KCNK9: variants seen among roughly 807,000 people sequenced by gnomAD.
KCNK9 encodes the protein potassium channel subfamily K member 9.
KCNK9 carries 1 observed loss-of-function variant against 10.8 expected under a neutral mutation model. The ratio of observed to expected loss-of-function variants is 0.09; its 90% CI spans 0.03 to 0.44. KCNK9 has a LOEUF of 0.44. Ranked by LOEUF, KCNK9 falls within the 20% of genes least tolerant of loss-of-function variation. KCNK9 has a pLI of 0.97. For missense variants in KCNK9, 303 were observed against 515.0 expected (o/e 0.59, Z 3.98); for synonymous variants, 231 against 222.7 (o/e 1.04, Z -0.33).
chr8:139,669,506 CT>C (rs1346648766), intron 1 of KCNK9, among the ~76,000 whole-genome samples: 5 of 152,246 alleles, frequency 3.3e-5, no homozygotes, highest in African/African-American at 1.2e-4. Flanking sequence ...CAAGAAACCA[CT>C]GTCTTCACTC....
At chr8:139,620,627 C>G (rs1814747687) in intron 1 of KCNK9, among the ~76,000 whole-genome samples, 1 of 152,072 alleles carries the variant, frequency 6.6e-6, no homozygotes, top group Non-Finnish European at 1.5e-5. Context: ...TGTGCCATAA[C>G]CTACCTACCC....
At chr8:139,698,993 C>T (rs1454813452) in intron 1 of KCNK9, among the ~76,000 whole-genome samples, 1 of 152,144 alleles carries the variant, frequency 6.6e-6, no homozygotes, top group Non-Finnish European at 1.5e-5. Flanking sequence ...TCAGCTGGGC[C>T]CCGAGGTTCT....
chr8:139,635,801 T>C (rs917505524), intron 1 of KCNK9, among the ~76,000 whole-genome samples: 9 of 152,180 alleles, frequency 5.9e-5, no homozygotes, highest in Admixed American at 5.9e-4. Flanking sequence ...TTACATTCCC[T>C]GCTAGTCCTT....
At chr8:139,615,391 T>C (rs1426993827), downstream of KCNK9, among the ~76,000 whole-genome samples, 5 of 152,308 alleles carry the variant, frequency 3.3e-5, 1 homozygote, top group South Asian at 6.2e-4. Context: ...TGTTTAGTGC[T>C]GTTTTATTAA....
At chr8:139,620,873 A>C (rs555150408) in intron 1 of KCNK9, among the ~76,000 whole-genome samples, 2 of 152,318 alleles carry the variant, frequency 1.3e-5, no homozygotes, top group South Asian at 4.2e-4. Flanking sequence ...CAATCTGAAG[A>C]GCAGAGAGGA....
intron 1 of KCNK9, among the ~76,000 whole-genome samples, chr8:139,636,509 A>G (rs1395472900): frequency 1.3e-5 from 2 of 152,146 alleles, no homozygotes; most frequent in East Asian, 1.9e-4. Flanking sequence ...GCAGAGGTAG[A>G]CTCAGCTCCT....
intron 1 of KCNK9, among the ~76,000 whole-genome samples, chr8:139,671,465 C>T (rs1442721294): frequency 2.0e-5 from 3 of 152,022 alleles, no homozygotes; most frequent in East Asian, 1.9e-4. Flanking sequence ...GCATTGAGCC[C>T]GTGCCCAAGG....
chr8:139,629,031 G>A (rs559673809), intron 1 of KCNK9, among the ~76,000 whole-genome samples: 114 of 152,280 alleles, frequency 7.5e-4, no homozygotes, highest in African/African-American at 2.6e-3. Context: ...GACTGCAGTC[G>A]GCCACTTTCC....
downstream of KCNK9, among the ~76,000 whole-genome samples, chr8:139,614,290 C>T (rs971135047): frequency 6.6e-6 from 1 of 152,218 alleles, no homozygotes; most frequent in East Asian, 1.9e-4. Context: ...AGCTGAGATT[C>T]ATCAATCTCC....
downstream of KCNK9, chr8:139,615,752 C>A (rs1369904645): frequency 6.6e-6 from 1 of 151,986 alleles, no homozygotes; most frequent in Non-Finnish European, 1.5e-5. Flanking sequence ...ATCCTATAAT[C>A]CTTAATCCTG....
intron 1 of KCNK9, among the ~76,000 whole-genome samples, chr8:139,654,440 G>T (rs147980278): frequency 2.0e-5 from 3 of 152,262 alleles, no homozygotes; most frequent in African/African-American, 7.2e-5. Context: ...TCAGGCCCTG[G>T]TGTTGTCTGA....
chr8:139,699,289 G>A (rs1411337806), intron 1 of KCNK9, among the ~76,000 whole-genome samples: 3 of 152,172 alleles, frequency 2.0e-5, no homozygotes, highest in Non-Finnish European at 2.9e-5. Flanking sequence ...AAGGTCACAT[G>A]TGTGTTCCAG....
chr8:139,676,456 T>C (rs1260087395), intron 1 of KCNK9, among the ~76,000 whole-genome samples: 7 of 152,216 alleles, frequency 4.6e-5, no homozygotes, highest in Admixed American at 6.5e-5. Context: ...CTCATAAATG[T>C]TGCCTGATGA....
At chr8:139,633,132 C>A (rs1815227379) in intron 1 of KCNK9, among the ~76,000 whole-genome samples, 1 of 151,424 alleles carries the variant, frequency 6.6e-6, no homozygotes, top group East Asian at 1.9e-4. Flanking sequence ...TACACACAGG[C>A]ACTCAAACAC....
At chr8:139,637,760 TACACAC>T (rs34018499) in intron 1 of KCNK9, among the ~76,000 whole-genome samples, 13 of 146,096 alleles carry the variant, frequency 8.9e-5, no homozygotes, top group Non-Finnish European at 1.2e-4. Flanking sequence ...ATTCCTACTC[TACACAC>T]ACACACACAC....
rs539013408 is a variant in KCNK9, at chr8:139,694,039, C to A, written c.283+8671G>T. Among the ~76,000 whole-genome samples, 126 of 152,300 alleles carry A rather than the reference C, an allele frequency of 8.3e-4. 1 individual carries two copies. The highest frequency in any genetic ancestry group is 1.4e-3 in the Non-Finnish European group (93 of 68,028). On this transcript the variant is annotated intron_variant, in intron 1 of 1. Transcript: ENST00000520439. The stretch of plus-strand genomic sequence containing the variant: ...AGCCCCCGGCTTGACACCATCCCAA[C>A]CCCCATCCATTGGATGGTAGGAGCT...
intron 1 of KCNK9, among the ~76,000 whole-genome samples, chr8:139,678,595 C>G (rs1280623983): frequency 6.6e-6 from 1 of 152,258 alleles, no homozygotes; most frequent in Non-Finnish European, 1.5e-5. Flanking sequence ...GGGCCTCAGG[C>G]CCATCCCTGG....
chr8:139,603,020 G>A (rs897827820), intron 2 of KCNK9, among the ~76,000 whole-genome samples: 6 of 152,206 alleles, frequency 3.9e-5, no homozygotes, highest in Non-Finnish European at 8.8e-5. Context: ...AGTATGCTGT[G>A]TATTCCTGCT....
chr8:139,617,785 A>G lies in KCNK9; in HGVS notation c.*473T>C, dbSNP rs907948273. On this transcript the variant is annotated 3_prime_UTR_variant, in exon 2 of 2. Transcript: ENST00000520439. ...GTGCACACAGAAGCACACACACAAC[A>G]CACACACAGTCACTCAGTCCTTAGG... Among the ~76,000 whole-genome samples the G allele has an allele frequency of 2.0e-5, 3 of 152,132 alleles. No homozygotes were observed. The highest frequency in any genetic ancestry group is 4.4e-5 in the Non-Finnish European group (3 of 68,014).
Sources: gnomAD v4.1 joint callset for allele counts (sites outside exome capture counted in the v4.1 genomes callset) on GRCh38, gnomAD v4.1.1 for gene constraint, MANE v1.5 for transcripts, NCBI Gene and HGNC (gene_info 2026-07-23, HGNC 2026-07-21) for gene names.